Variants in CNTLN observed in about 807,000 individuals in gnomAD.
CNTLN encodes centlein, centrosomal protein.
Under a neutral mutation model 180.0 loss-of-function variants are expected in CNTLN, and 212 were observed. That is an observed-to-expected ratio of 1.18 (90% CI 1.05 to 1.32). CNTLN has a LOEUF of 1.32. Among genes scored for constraint, CNTLN ranks in the 40% most tolerant of loss-of-function variants. CNTLN has a pLI of 0.00. For missense variants in CNTLN, 2,095 were observed against 1,610.9 expected, an observed-to-expected ratio of 1.30 and a Z score of -5.14; for synonymous variants, 722 against 563.1, an observed-to-expected ratio of 1.28 and a Z score of -3.99.
At chr9:17,221,969 C>T (rs1824167084) in intron 2 of CNTLN, among the ~76,000 whole-genome samples, 3 of 152,038 alleles carry the variant, frequency 2.0e-5, no homozygotes, top group Middle Eastern at 3.4e-3. Context: ...TTACCTAAGG[C>T]CGAACAAACT....
chr9:17,504,495 C>T (rs1833896028), downstream of CNTLN, among the ~76,000 whole-genome samples: 1 of 152,114 alleles, frequency 6.6e-6, no homozygotes, highest in Admixed American at 6.5e-5. Flanking sequence ...TGAAGATGTT[C>T]ACTCCTTAGT....
At chr9:17,409,664 C>T (rs565251731) in intron 16 of CNTLN, among the ~76,000 whole-genome samples, 191 bp downstream of exon 16, 20 of 151,872 alleles carry the variant, frequency 1.3e-4, no homozygotes, top group Admixed American at 4.6e-4. Context: ...TTTTCATAGA[C>T]GAAAATAAAT....
At chr9:17,216,536 G>A (rs1181649892) in intron 2 of CNTLN, among the ~76,000 whole-genome samples, 1 of 152,058 alleles carries the variant, frequency 6.6e-6, no homozygotes, top group East Asian at 1.9e-4. Flanking sequence ...AAGGATATGT[G>A]TGCTATATCC....
chr9:17,164,457 GTTTTTTTT>G (rs772109564), intron 2 of CNTLN, among the ~76,000 whole-genome samples: 4 of 68,458 alleles, frequency 5.8e-5, no homozygotes, highest in South Asian at 6.9e-4. Flanking sequence ...TTATTTTTAT[GTTTTTTTT>G]TTTTTTTTTT....
chr9:17,290,077 G>C lies in CNTLN; in HGVS notation c.984-8113G>C, dbSNP rs528091153. ...GGAACTGCGTTCCTTTGGAGGAGGA[G>C]AGGCGCTCTGCATTTAAGAGTGTCT... On this transcript the variant is annotated intron_variant, in intron 6 of 25. Transcript: ENST00000380647. Among the ~76,000 whole-genome samples, 5 of 152,310 alleles carry C rather than the reference G, an allele frequency of 3.3e-5. No homozygotes were observed. In the South Asian group the frequency reaches 1.0e-3, roughly 32 times the overall value.
At chr9:17,402,809 C>T (rs1323794417) in intron 15 of CNTLN, among the ~76,000 whole-genome samples, 2 of 151,782 alleles carry the variant, frequency 1.3e-5, no homozygotes, top group Non-Finnish European at 2.9e-5. Context: ...ACTGAAGCTA[C>T]ACCATTAGTT....
intron 2 of CNTLN, among the ~76,000 whole-genome samples, chr9:17,189,791 T>C (rs947858635): frequency 2.6e-5 from 4 of 152,116 alleles, no homozygotes; most frequent in Non-Finnish European, 5.9e-5. Context: ...CTGGGCTCAC[T>C]ATTAAGATAT....
At chr9:17,206,490 C>G (rs1386725361) in intron 2 of CNTLN, among the ~76,000 whole-genome samples, 1 of 152,172 alleles carries the variant, frequency 6.6e-6, no homozygotes, top group Non-Finnish European at 1.5e-5. Context: ...CCTAACAAAT[C>G]TCACAATATT....
At chr9:17,268,726 C>G (rs1027689933) in intron 5 of CNTLN, among the ~76,000 whole-genome samples, 1 of 152,124 alleles carries the variant, frequency 6.6e-6, no homozygotes, top group Non-Finnish European at 1.5e-5. Context: ...TTTACCTAAT[C>G]AAGCCTGGGC....
chr9:17,150,784 A>G (rs758909115), intron 2 of CNTLN, among the ~76,000 whole-genome samples: 2 of 152,186 alleles, frequency 1.3e-5, no homozygotes, highest in Non-Finnish European at 2.9e-5. Context: ...ATCCGTGAGC[A>G]TGGAATTTTT....
At chr9:17,356,426 G>C (rs1171403238) in intron 12 of CNTLN, among the ~76,000 whole-genome samples, 4 of 152,168 alleles carry the variant, frequency 2.6e-5, no homozygotes, top group Non-Finnish European at 5.9e-5. Context: ...GAAGCCTATG[G>C]TCAATTATAT....
chr9:17,332,602 G>C lies in CNTLN; in HGVS notation c.1519-3G>C, dbSNP rs777473201. The stretch of plus-strand genomic sequence containing the variant: ...TCAACCATGTCCTTGTTTTATTCTC[G>C]AGGAACCACCTGTGAAACGTTCAAG... On this transcript the variant is annotated splice_polypyrimidine_tract_variant and splice_region_variant and intron_variant, in intron 9 of 25. Transcript: ENST00000380647. 3 of 1,598,560 alleles carry C rather than the reference G, an allele frequency of 1.9e-6. No homozygotes were observed. The highest frequency in any genetic ancestry group is 3.5e-5 in the Admixed American group (2 of 57,754).
chr9:17,142,682 T>G (rs1818187512), intron 1 of CNTLN, among the ~76,000 whole-genome samples: 1 of 152,150 alleles, frequency 6.6e-6, no homozygotes, highest in African/African-American at 2.4e-5. Context: ...GAGGCACTTT[T>G]AAAACATACT....
chr9:17,228,845 A>G (rs981159141), intron 3 of CNTLN, among the ~76,000 whole-genome samples: 3 of 152,056 alleles, frequency 2.0e-5, no homozygotes, highest in Non-Finnish European at 4.4e-5. Context: ...AAACCAGGAG[A>G]ACAGTGGCGT....
rs554120810 is a variant in CNTLN at position 17,139,998 on chromosome 9, G to T, written c.361-3290G>T. ...GGGTGAGCTACCGCACCTGGCCAAG[G>T]TTTTTATTTTTGTTATTTAAAAAGA... On this transcript the variant is annotated intron_variant, in intron 1 of 25. Coordinates refer to ENST00000380647, the MANE Select transcript of CNTLN (RefSeq NM_017738.4). Among the ~76,000 whole-genome samples, 9 of 152,266 alleles carry T rather than the reference G, an allele frequency of 5.9e-5. No homozygotes were observed. The South Asian group carries it at 1.7e-3, about 28-fold the overall frequency.
the CNTLN span, among the ~76,000 whole-genome samples, chr9:17,515,705 C>A: frequency 3.9e-5 from 6 of 152,162 alleles, no homozygotes; most frequent in East Asian, 1.9e-4. Context: ...ATCCAGCATG[C>A]AACAGCTCAT....
chr9:17,154,227 G>GGA (rs1410046576), intron 2 of CNTLN, among the ~76,000 whole-genome samples: 1 of 152,178 alleles, frequency 6.6e-6, no homozygotes, highest in African/African-American at 2.4e-5. Context: ...CTTTGGAAGA[G>GGA]GAGAGGTATT....
intron 2 of CNTLN, among the ~76,000 whole-genome samples, chr9:17,201,788 T>C (rs1450365119): frequency 6.6e-6 from 1 of 152,158 alleles, no homozygotes; most frequent in Admixed American, 6.5e-5. Flanking sequence ...AACCAGCTCC[T>C]GGATTCATTG....
intron 18 of CNTLN, among the ~76,000 whole-genome samples, chr9:17,421,413 C>T (rs1366447066): frequency 6.6e-6 from 1 of 151,940 alleles, no homozygotes; most frequent in Non-Finnish European, 1.5e-5. Context: ...GTTTCCACTT[C>T]ATGGAATATC....
Sources: gnomAD v4.1 joint callset for allele counts (sites outside exome capture counted in the v4.1 genomes callset) on GRCh38, gnomAD v4.1.1 for gene constraint, MANE v1.5 for transcripts, NCBI Gene and HGNC (gene_info 2026-07-23, HGNC 2026-07-21) for gene names.